The following JMJD1C variants were observed in gnomAD, a reference collection of about 807,000 sequenced individuals.
JMJD1C encodes jumonji domain containing 1C, also known as jumonji domain-containing protein 1C.
In JMJD1C, 31 loss-of-function variants were observed where a neutral mutation model predicts 245.3. The observed-to-expected ratio is 0.13, with a 90% CI of 0.09 to 0.17. The LOEUF (loss-of-function observed/expected upper bound fraction) is 0.17, where lower values mean the gene tolerates loss of function less well. JMJD1C is among the 10% of genes least tolerant of loss of function. The pLI, the probability that JMJD1C is intolerant of heterozygous loss-of-function variation, is 1.00. For missense variants in JMJD1C, 2,691 were observed against 3,000.2 expected, an observed-to-expected ratio of 0.90 and a Z score of 2.41; for synonymous variants, 1,057 against 1,017.4, an observed-to-expected ratio of 1.04 and a Z score of -0.74.
intron 16 of JMJD1C, 54 bp downstream of exon 16, chr10:63,192,884 G>A (rs1411127201): frequency 1.6e-6 from 2 of 1,255,546 alleles, no homozygotes; most frequent in Non-Finnish European, 2.3e-6. Flanking sequence ...GTACATTGTT[G>A]GTTAGTTATA....
intron 2 of JMJD1C, among the ~76,000 whole-genome samples, chr10:63,327,811 G>A (rs766420976): frequency 6.6e-6 from 1 of 151,956 alleles, no homozygotes; most frequent in Non-Finnish European, 1.5e-5. Flanking sequence ...TAGGATTACA[G>A]ACATGCACCA....
chr10:63,238,629 T>C (rs1851080016), intron 3 of JMJD1C, among the ~76,000 whole-genome samples: 1 of 152,198 alleles, frequency 6.6e-6, no homozygotes, highest in Non-Finnish European at 1.5e-5. Flanking sequence ...AAAATTTTAG[T>C]TGTAACTGTT....
chr10:63,315,887 G>A (rs1251014464), intron 2 of JMJD1C, among the ~76,000 whole-genome samples: 3 of 150,034 alleles, frequency 2.0e-5, no homozygotes, highest in East Asian at 2.0e-4. Context: ...AAATTCTAAT[G>A]GCTGGGTATG....
intron 3 of JMJD1C, among the ~76,000 whole-genome samples, chr10:63,223,598 T>C (rs1848891664): frequency 6.6e-6 from 1 of 152,186 alleles, no homozygotes; most frequent in Non-Finnish European, 1.5e-5. Context: ...GTTGACTGTG[T>C]TGGAATTTTA....
At chr10:63,270,172 C>A (rs1165132477) in intron 2 of JMJD1C, among the ~76,000 whole-genome samples, 1 of 152,026 alleles carries the variant, frequency 6.6e-6, no homozygotes, top group Non-Finnish European at 1.5e-5. Flanking sequence ...TAAGTTCTCT[C>A]TCTATTTTTT....
intron 1 of JMJD1C, among the ~76,000 whole-genome samples, chr10:63,421,863 A>C (rs1036654358): frequency 1.3e-5 from 2 of 152,224 alleles, no homozygotes; most frequent in African/African-American, 2.4e-5. Context: ...AAGAGAGCCC[A>C]CACTAGAAAC....
intron 1 of JMJD1C, among the ~76,000 whole-genome samples, chr10:63,445,884 T>C (rs1195401187): frequency 7.2e-6 from 1 of 139,800 alleles, no homozygotes; most frequent in Non-Finnish European, 1.5e-5. Flanking sequence ...TTTTTTTTTT[T>C]TTTTTTTCCA....
At chr10:63,256,960 C>T (rs1280011865) in intron 3 of JMJD1C, among the ~76,000 whole-genome samples, 1 of 152,034 alleles carries the variant, frequency 6.6e-6, no homozygotes, top group Non-Finnish European at 1.5e-5. Context: ...AGTAGCCAGG[C>T]GCAGTGGCTT....
chr10:63,387,793 G>T (rs1431940502), intron 1 of JMJD1C, among the ~76,000 whole-genome samples: 2 of 151,254 alleles, frequency 1.3e-5, no homozygotes, highest in African/African-American at 4.9e-5. Flanking sequence ...CCACCACCAT[G>T]CCCGGCTAAT....
intron 2 of JMJD1C, among the ~76,000 whole-genome samples, chr10:63,345,110 T>C (rs551805430): frequency 1.1e-4 from 16 of 152,310 alleles, no homozygotes; most frequent in African/African-American, 3.6e-4. Context: ...TCAAAATCAC[T>C]CAAAAGTAGA....
intron 3 of JMJD1C, among the ~76,000 whole-genome samples, chr10:63,231,389 C>T (rs1005247231): frequency 6.6e-6 from 1 of 152,154 alleles, no homozygotes; most frequent in African/African-American, 2.4e-5. Flanking sequence ...TAAGAATTTC[C>T]TGCCAAACAC....
intron 1 of JMJD1C, among the ~76,000 whole-genome samples, chr10:63,482,573 T>A (rs1271648105): frequency 6.6e-6 from 1 of 151,916 alleles, no homozygotes; most frequent in Non-Finnish European, 1.5e-5. Flanking sequence ...GAGGCCAAGG[T>A]AGCAGTGAGC....
intron 1 of JMJD1C, among the ~76,000 whole-genome samples, chr10:63,443,833 T>C (rs1235816448): frequency 6.6e-6 from 1 of 152,188 alleles, no homozygotes; most frequent in South Asian, 2.1e-4. Context: ...GGTTGCCTCA[T>C]AGAAGAAATG....
rs372610225 is a variant in JMJD1C, at chr10:63,521,474, T to G, written n.113+264A>C. ...CGAGGAGCCGGCGAAGCGCGCGGCC[T>G]GCCGTTGGCGGCCTGGTCCGCAGCG... On this transcript the variant is annotated intron_variant and non_coding_transcript_variant, in intron 1 of 3. Coordinates refer to the JMJD1C transcript ENST00000633035. 1.5e-4 allele frequency: 164 copies of G among 1,070,968 alleles called. 2 individuals carry two copies. The South Asian group carries it at 4.0e-3, about 26-fold the overall frequency. 66.3% of individuals were successfully genotyped at this position (1,070,968 alleles called of 1,614,324 possible).
chr10:63,182,336 C>A (rs1843588154), intron 22 of JMJD1C, among the ~76,000 whole-genome samples: 1 of 152,192 alleles, frequency 6.6e-6, no homozygotes, highest in East Asian at 1.9e-4. Context: ...CGGTGCCATT[C>A]ATTATAGACA....
At chr10:63,466,879 T>G (rs916770727), upstream of JMJD1C, among the ~76,000 whole-genome samples, 1 of 152,226 alleles carries the variant, frequency 6.6e-6, no homozygotes, top group African/African-American at 2.4e-5. Context: ...GATCAACTTA[T>G]TTGTTATAAA....
intron 2 of JMJD1C, among the ~76,000 whole-genome samples, chr10:63,353,124 G>A (rs1254619027): frequency 6.6e-6 from 1 of 152,196 alleles, no homozygotes; most frequent in Admixed American, 6.5e-5. Context: ...CCTCAATCAA[G>A]ACCATGGGTG....
rs563498800 is a variant in JMJD1C at position 63,438,295 on chromosome 10, C to T, written c.168+27200G>A. 2.6e-5 allele frequency among the ~76,000 whole-genome samples: 4 copies of T among 152,276 alleles called. No homozygotes were observed. The East Asian group carries it at 7.7e-4, about 29-fold the overall frequency. On this transcript the variant is annotated intron_variant, in intron 1 of 25. Transcript: ENST00000399262. ...AGAACCCATCTTAAACCCTGTCTCT[C>T]ACATCAGATGCAATTCAGCAACCCA...
At chr10:63,386,511 TCCAGTATG>T (rs1947601916) in intron 1 of JMJD1C, among the ~76,000 whole-genome samples, 1 of 152,136 alleles carries the variant, frequency 6.6e-6, no homozygotes, top group Admixed American at 6.5e-5. Context: ...CTCAGCCCCC[TCCAGTATG>T]TAAGCACATT....
Sources: gnomAD v4.1 joint callset for allele counts (sites outside exome capture counted in the v4.1 genomes callset) on GRCh38, gnomAD v4.1.1 for gene constraint, MANE v1.5 for transcripts, NCBI Gene and HGNC (gene_info 2026-07-23, HGNC 2026-07-21) for gene names.